Variants in PPP6C observed in about 807,000 individuals in gnomAD.
PPP6C encodes the protein protein phosphatase 6 catalytic subunit.
A neutral mutation model predicts 39.8 loss-of-function variants in PPP6C; 11 were observed. The ratio of observed to expected loss-of-function variants is 0.28; its 90% CI spans 0.17 to 0.46. The LOEUF (loss-of-function observed/expected upper bound fraction) is 0.46, where lower values mean the gene tolerates loss of function less well. PPP6C is among the 20% of genes least tolerant of loss of function. PPP6C has a pLI of 1.00. For missense variants in PPP6C, 211 were observed against 373.9 expected (o/e 0.56, Z 3.59); for synonymous variants, 129 against 130.3 (o/e 0.99, Z 0.07).
At chr9:125,189,422 C>T (rs1829612744) in intron 1 of PPP6C, 2 of 1,286,798 alleles carry the variant, frequency 1.6e-6, no homozygotes, top group Non-Finnish European at 1.0e-6. Context: ...GGACAGAGGC[C>T]GCGACATCCC....
chr9:125,162,553 C>T (rs949712747), intron 2 of PPP6C, among the ~76,000 whole-genome samples: 1 of 150,472 alleles, frequency 6.6e-6, no homozygotes, highest in Non-Finnish European at 1.5e-5. Flanking sequence ...GCAGGTGGAT[C>T]ATGAGGTCAG....
intron 2 of PPP6C, among the ~76,000 whole-genome samples, chr9:125,167,694 ACT>A (rs1258091602): frequency 6.7e-6 from 1 of 149,658 alleles, no homozygotes; most frequent in Non-Finnish European, 1.5e-5. Context: ...CAAGAGAGAA[ACT>A]CTGTCTCAAA....
At chr9:125,180,475 T>C (rs185077978) in intron 1 of PPP6C, among the ~76,000 whole-genome samples, 15 of 152,346 alleles carry the variant, frequency 9.8e-5, no homozygotes, top group Non-Finnish European at 1.5e-4. Flanking sequence ...CAGGCTGCAG[T>C]GCAATGGCGT....
At chr9:125,164,341 C>CT (rs1475516061) in intron 2 of PPP6C, among the ~76,000 whole-genome samples, 1 of 151,124 alleles carries the variant, frequency 6.6e-6, no homozygotes, top group Non-Finnish European at 1.5e-5. Context: ...ATCCTCCTGC[C>CT]TCAGCCTCCC....
chr9:125,164,216 CTCTTTTTTTTTT>C (rs1288888495), intron 2 of PPP6C, among the ~76,000 whole-genome samples: 2 of 119,708 alleles, frequency 1.7e-5, no homozygotes, highest in Non-Finnish European at 3.5e-5. Flanking sequence ...CTCCCTCACT[CTCTTTTTTTTTT>C]TTTTTTTTTT....
At chr9:125,171,493 ATATATATATATATATATATATATG>A (rs147504763) in intron 1 of PPP6C, among the ~76,000 whole-genome samples, 20,740 of 131,642 alleles carry the variant, frequency 0.16, 1,766 homozygotes, top group East Asian at 0.24. Flanking sequence ...ATATATATAT[ATATATATATATATATATATATATG>A]AAGAAATAAT....
intron 1 of PPP6C, chr9:125,171,902 C>A: frequency 6.5e-6 from 3 of 464,332 alleles, no homozygotes; most frequent in South Asian, 4.6e-5. Context: ...GCAAACCACA[C>A]ACTTACCATT....
At chr9:125,168,174 A>C (rs1170936926) in intron 2 of PPP6C, among the ~76,000 whole-genome samples, 3 of 152,106 alleles carry the variant, frequency 2.0e-5, no homozygotes, top group Admixed American at 1.3e-4. Context: ...CGAATTTGTG[A>C]GCTAGCTGAA....
At chr9:125,184,151 G>T (rs1483652336) in intron 1 of PPP6C, among the ~76,000 whole-genome samples, 1 of 152,122 alleles carries the variant, frequency 6.6e-6, no homozygotes, top group Non-Finnish European at 1.5e-5. Flanking sequence ...ACTTTGGGAG[G>T]CCAAGGCGGG....
At chr9:125,158,475 T>C (rs369224320) in intron 3 of PPP6C, 93 bp from the exon 4 acceptor site, 14 of 1,252,770 alleles carry the variant, frequency 1.1e-5, no homozygotes, top group African/African-American at 9.1e-5. Flanking sequence ...AGTTTATAAC[T>C]ACAATAAAGA....
chr9:125,189,110 GGACGACCTGACGTTCGCTC>G (rs1477261645), intron 1 of PPP6C, among the ~76,000 whole-genome samples: 60 of 152,162 alleles, frequency 3.9e-4, no homozygotes, highest in Non-Finnish European at 8.2e-4. Context: ...CAATGAAGAG[GGACGACCTGACGTTCGCTC>G]CCGCCAGTAC....
intron 1 of PPP6C, among the ~76,000 whole-genome samples, chr9:125,185,247 A>AT (rs569496601): frequency 0.026 from 3,507 of 137,044 alleles, 136 homozygotes; most frequent in East Asian, 0.094. Flanking sequence ...CACATATGTC[A>AT]TTTTTTTTTT....
intron 1 of PPP6C, among the ~76,000 whole-genome samples, chr9:125,189,314 G>C (rs1201550544): frequency 6.6e-6 from 1 of 152,152 alleles, no homozygotes; most frequent in Non-Finnish European, 1.5e-5. Flanking sequence ...CTCCGACTGC[G>C]GGAGACCCAG....
intron 2 of PPP6C, among the ~76,000 whole-genome samples, chr9:125,167,396 A>AAAAAAAAAAAAAAAG (rs1355880967): frequency 3.5e-5 from 5 of 143,524 alleles, no homozygotes; most frequent in African/African-American, 1.3e-4. Context: ...AAAAAAAAAA[A>AAAAAAAAAAAAAAAG]AAAGAAATAA....
At chr9:125,178,112 A>C (rs887145983) in intron 1 of PPP6C, among the ~76,000 whole-genome samples, 7 of 152,238 alleles carry the variant, frequency 4.6e-5, no homozygotes, top group African/African-American at 1.7e-4. Flanking sequence ...GGCTATAAAA[A>C]TCTATGTACA....
intron 4 of PPP6C, among the ~76,000 whole-genome samples, chr9:125,156,756 TCTCTCTCTCTC>T (rs1836087427): frequency 6.8e-6 from 1 of 147,536 alleles, no homozygotes; most frequent in African/African-American, 2.5e-5. Flanking sequence ...TCTCTCTCTC[TCTCTCTCTCTC>T]TCTCTCTCTT....
rs769967971 is a variant in PPP6C, at chr9:125,149,679, G to A, written c.912C>T (p.Phe304=). 2 of 1,613,866 alleles carry A rather than the reference G, an allele frequency of 1.2e-6. No homozygotes were observed. Among genetic ancestry groups the A allele is most frequent in the African/African-American group, 1.3e-5 (1 of 75,054 alleles). The part of the protein sequence containing the change: ...VIPPRTTTPY[F]L The stretch of plus-strand genomic sequence containing the variant: ...AGCAGGATGGGCGAAGGCCTCAAAG[G>A]AAATATGGCGTTGTCGTTCTGGGAG... The change falls in exon 7 of 7, where the codon TTC becomes TTT. Residue 304 remains phenylalanine, a synonymous_variant. Transcript: ENST00000373547.
In PPP6C at chr9:125,153,523, T is replaced by C. The variant is rs773146222; in HGVS notation, c.669+10A>G. 24 of 1,613,080 alleles carry C rather than the reference T, an allele frequency of 1.5e-5. No homozygotes were observed. The highest frequency in any genetic ancestry group is 3.3e-4 in the Middle Eastern group (2 of 6,062). On this transcript the variant is annotated intron_variant, in intron 6 of 6. Transcript: ENST00000373547. ...TCCACAAATTACATTTCCAAAAATG[T>C]TGGCTTTACCTCATTTGTGACCTTT...
intron 1 of PPP6C, among the ~76,000 whole-genome samples, chr9:125,177,774 T>C (rs1034458274): frequency 2.0e-5 from 3 of 152,148 alleles, no homozygotes; most frequent in African/African-American, 4.8e-5. Context: ...GTACCTACCA[T>C]TATAGTATCA....
Sources: gnomAD v4.1 joint callset for allele counts (sites outside exome capture counted in the v4.1 genomes callset) on GRCh38, gnomAD v4.1.1 for gene constraint, MANE v1.5 for transcripts, NCBI Gene and HGNC (gene_info 2026-07-23, HGNC 2026-07-21) for gene names.